The following TUSC3 variants were observed in gnomAD, a reference collection of about 807,000 sequenced individuals.
TUSC3 encodes the protein tumor suppressor candidate 3, also known as dolichyl-diphosphooligosaccharide--protein glycosyltransferase subunit TUSC3.
In TUSC3, 45 loss-of-function variants were observed where a neutral mutation model predicts 44.8. The observed-to-expected ratio is 1.00, with a 90% confidence interval of 0.79 to 1.29. The LOEUF is 1.29. TUSC3 is among the 50% of genes most tolerant of loss of function. The pLI is 0.00. For missense variants in TUSC3, 519 were observed against 437.9 expected (o/e 1.19, Z -1.65); for synonymous variants, 212 against 152.9 (o/e 1.39, Z -2.85).
At chr8:15,649,664 C>A (rs995594346) in intron 2 of TUSC3, among the ~76,000 whole-genome samples, 6 of 151,624 alleles carry the variant, frequency 4.0e-5, no homozygotes, top group Non-Finnish European at 8.8e-5. Context: ...GCCTCTGCTG[C>A]TTCTGAATCT....
intron 2 of TUSC3, among the ~76,000 whole-genome samples, chr8:15,515,587 T>A (rs867283613): frequency 2.0e-5 from 3 of 152,102 alleles, no homozygotes; most frequent in Non-Finnish European, 2.9e-5. Flanking sequence ...CAAAATATCA[T>A]TGGAGTTTTT....
chr8:15,490,331 G>A lies in TUSC3; in HGVS notation n.189+6848G>A, dbSNP rs1241137358. On this transcript the variant is annotated intron_variant and non_coding_transcript_variant, in intron 2 of 5. Transcript: ENST00000503191. Reference sequence around the variant, plus strand: ...GGCAGGATTGTCTTTTGGGAGCTGAGTCTAAAGAATTCATGACTTCTATCA... The same window carrying A: ...GGCAGGATTGTCTTTTGGGAGCTGAATCTAAAGAATTCATGACTTCTATCA... Among the ~76,000 whole-genome samples the A allele has an allele frequency of 2.6e-5, 4 of 152,158 alleles. No homozygotes were observed. In the East Asian group the frequency reaches 7.7e-4, roughly 29 times the overall value.
chr8:15,622,081 G>C (rs940235340), intron 1 of TUSC3, among the ~76,000 whole-genome samples: 2 of 152,052 alleles, frequency 1.3e-5, no homozygotes, highest in Non-Finnish European at 2.9e-5. Context: ...GAGAGGAGAG[G>C]GGAAAGAGAT....
At chr8:15,783,321 G>A in the TUSC3 span, among the ~76,000 whole-genome samples, 3 of 152,068 alleles carry the variant, frequency 2.0e-5, no homozygotes, top group Non-Finnish European at 2.9e-5. Flanking sequence ...CAGATTTGAC[G>A]CAATCCCTAT....
chr8:15,843,621 T>TATATATATATATACACACACAC, the TUSC3 span, among the ~76,000 whole-genome samples: 4 of 146,732 alleles, frequency 2.7e-5, no homozygotes, highest in African/African-American at 1.1e-4. Context: ...TATATATATA[T>TATATATATATATACACACACAC]ACACGCACAT....
chr8:15,790,841 T>C, the TUSC3 span, among the ~76,000 whole-genome samples: 9 of 152,050 alleles, frequency 5.9e-5, no homozygotes, highest in Non-Finnish European at 1.0e-4. Flanking sequence ...GAGGGGGCCA[T>C]AGAGGTGACT....
the TUSC3 span, among the ~76,000 whole-genome samples, chr8:15,809,690 A>G: frequency 6.6e-6 from 1 of 152,230 alleles, no homozygotes; most frequent in Non-Finnish European, 1.5e-5. Context: ...CTCTGTCTCA[A>G]AATATCTGAT....
At chr8:15,719,563 G>C (rs1431392606) in intron 6 of TUSC3, among the ~76,000 whole-genome samples, 1 of 150,432 alleles carries the variant, frequency 6.6e-6, no homozygotes, top group Non-Finnish European at 1.5e-5. Context: ...CATGAGACTA[G>C]AGATCATTGC....
At chr8:15,617,359 C>G (rs1398394598) in intron 1 of TUSC3, among the ~76,000 whole-genome samples, 3 of 151,720 alleles carry the variant, frequency 2.0e-5, no homozygotes, top group Admixed American at 2.0e-4. Context: ...GGGGTGGTCT[C>G]GAACTCCTGA....
intron 1 of TUSC3, among the ~76,000 whole-genome samples, chr8:15,432,700 G>T (rs1046817377): frequency 6.6e-6 from 1 of 152,046 alleles, no homozygotes; most frequent in Non-Finnish European, 1.5e-5. Context: ...TAATGAGTAT[G>T]CACCTCCGAA....
chr8:15,612,252 CT>C (rs1029901193), intron 1 of TUSC3, among the ~76,000 whole-genome samples: 1 of 152,138 alleles, frequency 6.6e-6, no homozygotes, highest in Non-Finnish European at 1.5e-5. Flanking sequence ...AGCTGCCCCC[CT>C]GGCAGAGGCA....
chr8:15,654,628 C>T (rs1807074869), intron 3 of TUSC3, among the ~76,000 whole-genome samples: 1 of 151,974 alleles, frequency 6.6e-6, no homozygotes, highest in Non-Finnish European at 1.5e-5. Flanking sequence ...AAACCCCCAT[C>T]TCTACTAAAA....
chr8:15,492,982 CCT>C (rs1180212203), intron 2 of TUSC3, among the ~76,000 whole-genome samples: 1 of 151,816 alleles, frequency 6.6e-6, no homozygotes, highest in African/African-American at 2.4e-5. Flanking sequence ...AGAGAAAGAC[CCT>C]GTCTCAACAA....
At chr8:15,513,719 C>T (rs1443748652) in intron 2 of TUSC3, among the ~76,000 whole-genome samples, 3 of 150,528 alleles carry the variant, frequency 2.0e-5, no homozygotes, top group Admixed American at 6.6e-5. Context: ...CACACATTTT[C>T]GCTTCCAGTC....
intron 6 of TUSC3, among the ~76,000 whole-genome samples, chr8:15,683,399 G>A (rs1403224635): frequency 6.6e-6 from 1 of 151,906 alleles, no homozygotes; most frequent in Non-Finnish European, 1.5e-5. Context: ...TGATGTTCAG[G>A]CTCTGAAATT....
At chr8:15,711,087 G>C (rs1471127632) in intron 6 of TUSC3, among the ~76,000 whole-genome samples, 2 of 151,486 alleles carry the variant, frequency 1.3e-5, no homozygotes, top group Non-Finnish European at 3.0e-5. Context: ...TAAAACAGTA[G>C]TCCCCAAACT....
chr8:15,432,872 A>C (rs559137323), intron 1 of TUSC3, among the ~76,000 whole-genome samples: 1 of 152,222 alleles, frequency 6.6e-6, no homozygotes, highest in African/African-American at 2.4e-5. Context: ...CAGGTCAGTT[A>C]GGGGCTGATA....
chr8:15,591,983 G>A (rs1365921462), intron 1 of TUSC3, among the ~76,000 whole-genome samples: 2 of 152,176 alleles, frequency 1.3e-5, no homozygotes, highest in African/African-American at 2.4e-5. Context: ...AATGGGGAAA[G>A]CCTTCAGGAG....
At chr8:15,581,619 T>G (rs1437798271) in intron 1 of TUSC3, among the ~76,000 whole-genome samples, 1 of 149,824 alleles carries the variant, frequency 6.7e-6, no homozygotes, top group African/African-American at 2.5e-5. Flanking sequence ...TGCCTCCCAG[T>G]TAGGCTGCTT....
Sources: allele counts gnomAD v4.1 joint callset (sites outside exome capture counted in the v4.1 genomes callset), GRCh38; gene constraint gnomAD v4.1.1; transcripts MANE v1.5; gene names NCBI Gene and HGNC (gene_info 2026-07-23, HGNC 2026-07-21).